SNTB1: variants seen among roughly 807,000 people sequenced by gnomAD.
The protein encoded by SNTB1 is beta-1-syntrophin.
A neutral mutation model predicts 48.9 loss-of-function variants in SNTB1; 36 were observed. The ratio of observed to expected loss-of-function variants is 0.74; its 90% CI spans 0.56 to 0.97. The LOEUF (loss-of-function observed/expected upper bound fraction) is 0.97. Among genes scored for constraint, SNTB1 ranks in the 50% least tolerant of loss-of-function variants. The pLI, the probability that SNTB1 is intolerant of heterozygous loss-of-function variation, is 0.00. For synonymous variants in SNTB1, 299 were observed against 294.6 expected (o/e 1.01, Z -0.15); for missense variants, 786 against 703.4 (o/e 1.12, Z -1.33).
intron 2 of SNTB1, among the ~76,000 whole-genome samples, chr8:120,677,206 A>T (rs1817852027): frequency 1.3e-5 from 2 of 152,228 alleles, no homozygotes; most frequent in Non-Finnish European, 2.9e-5. Flanking sequence ...ACTCTGGCTC[A>T]TGCACCTTGT....
At chr8:120,670,156 T>A (rs1323687044) in intron 2 of SNTB1, among the ~76,000 whole-genome samples, 3 of 152,226 alleles carry the variant, frequency 2.0e-5, no homozygotes, top group Non-Finnish European at 2.9e-5. Context: ...AATATGGGAT[T>A]GTGCTTCAGC....
intron 4 of SNTB1, among the ~76,000 whole-genome samples, chr8:120,574,531 G>A (rs949253054): frequency 5.3e-5 from 8 of 152,132 alleles, no homozygotes; most frequent in Non-Finnish European, 1.0e-4. Flanking sequence ...TCAATACCGT[G>A]ATGAAGTGCT....
intron 1 of SNTB1, among the ~76,000 whole-genome samples, chr8:120,732,683 A>C (rs1331116610): frequency 6.6e-6 from 1 of 152,178 alleles, no homozygotes; most frequent in Non-Finnish European, 1.5e-5. Context: ...CGTCTCTATT[A>C]AACGTACAAA....
chr8:120,758,569 T>C (rs1819358100), intron 1 of SNTB1, among the ~76,000 whole-genome samples: 1 of 152,194 alleles, frequency 6.6e-6, no homozygotes, highest in Admixed American at 6.5e-5. Flanking sequence ...AATATACTGA[T>C]GGCCCATGGA....
chr8:120,727,772 T>C (rs1818785089), intron 1 of SNTB1, among the ~76,000 whole-genome samples: 4 of 152,186 alleles, frequency 2.6e-5, no homozygotes, highest in Admixed American at 2.0e-4. Context: ...TTTCAGTTCA[T>C]TGATTGCTGG....
At chr8:120,553,682 T>C (rs1298811291) in intron 4 of SNTB1, among the ~76,000 whole-genome samples, 1 of 152,232 alleles carries the variant, frequency 6.6e-6, no homozygotes, top group African/African-American at 2.4e-5. Flanking sequence ...ATTTTATTTC[T>C]TCTTTTTAAA....
At chr8:120,753,198 C>T (rs2130040014) in intron 1 of SNTB1, among the ~76,000 whole-genome samples, 1 of 152,180 alleles carries the variant, frequency 6.6e-6, no homozygotes, top group South Asian at 2.1e-4. Context: ...CTGTTTGAAA[C>T]TCATATAATA....
intron 1 of SNTB1, among the ~76,000 whole-genome samples, chr8:120,767,954 G>C (rs1434484360): frequency 6.6e-6 from 1 of 152,108 alleles, no homozygotes; most frequent in East Asian, 1.9e-4. Flanking sequence ...TCCCTCAAAA[G>C]TCCTGCAGGG....
intron 4 of SNTB1, among the ~76,000 whole-genome samples, chr8:120,554,210 C>G (rs1161219046): frequency 6.6e-6 from 1 of 152,038 alleles, no homozygotes; most frequent in Non-Finnish European, 1.5e-5. Flanking sequence ...TGTTCCCGTT[C>G]GGTGACAAGG....
At chr8:120,662,879 A>G (rs1817613172) in intron 2 of SNTB1, among the ~76,000 whole-genome samples, 1 of 152,126 alleles carries the variant, frequency 6.6e-6, no homozygotes, top group Non-Finnish European at 1.5e-5. Context: ...TGAATCATTC[A>G]TTCAAAAATA....
chr8:120,697,828 A>G (rs1196341698), intron 1 of SNTB1, among the ~76,000 whole-genome samples: 1 of 152,274 alleles, frequency 6.6e-6, no homozygotes, highest in Non-Finnish European at 1.5e-5. Flanking sequence ...GTGATTTAAC[A>G]TAGTGATAAA....
chr8:120,746,913 T>C (rs1022421095), intron 1 of SNTB1, among the ~76,000 whole-genome samples: 5 of 152,206 alleles, frequency 3.3e-5, no homozygotes, highest in African/African-American at 9.6e-5. Context: ...TCAGTAAGTA[T>C]TGAACAAGGA....
chr8:120,686,042 A>G (rs1320504226), intron 2 of SNTB1, among the ~76,000 whole-genome samples: 4 of 152,160 alleles, frequency 2.6e-5, no homozygotes, highest in Non-Finnish European at 5.9e-5. Flanking sequence ...TTACCACCAT[A>G]TTTATACCAA....
chr8:120,563,410 C>A (rs1484613026), intron 4 of SNTB1, among the ~76,000 whole-genome samples: 1 of 151,920 alleles, frequency 6.6e-6, no homozygotes, highest in East Asian at 1.9e-4. Flanking sequence ...TGTTTGCAAA[C>A]TTCCTGAGCG....
chr8:120,580,202 G>A (rs886697932), intron 3 of SNTB1, among the ~76,000 whole-genome samples: 13 of 152,028 alleles, frequency 8.6e-5, no homozygotes, highest in African/African-American at 2.7e-4. Flanking sequence ...TCTTTTTCTC[G>A]CTTCATACCA....
chr8:120,615,836 C>A (rs1816705384), intron 3 of SNTB1, among the ~76,000 whole-genome samples: 1 of 152,068 alleles, frequency 6.6e-6, no homozygotes, highest in Non-Finnish European at 1.5e-5. Context: ...TTCCTTTTAT[C>A]TTTTCTTCTT....
intron 1 of SNTB1, among the ~76,000 whole-genome samples, chr8:120,783,828 T>C (rs1212929850): frequency 2.6e-5 from 4 of 152,152 alleles, no homozygotes; most frequent in South Asian, 4.1e-4. Flanking sequence ...AAAAATTTTT[T>C]TACCAATAAA....
intron 2 of SNTB1, among the ~76,000 whole-genome samples, chr8:120,668,025 A>G (rs1333125055): frequency 1.3e-5 from 2 of 151,944 alleles, no homozygotes; most frequent in Admixed American, 6.6e-5. Context: ...TAGTCTCCTC[A>G]TACACATACA....
chr8:120,644,882 G>A (rs1817259430), intron 2 of SNTB1, among the ~76,000 whole-genome samples: 1 of 152,128 alleles, frequency 6.6e-6, no homozygotes, highest in Admixed American at 6.5e-5. Flanking sequence ...GTATCTCACT[G>A]TTGTTTTGAT....
Sources: allele counts gnomAD v4.1 joint callset (sites outside exome capture counted in the v4.1 genomes callset), GRCh38; gene constraint gnomAD v4.1.1; transcripts MANE v1.5; gene names NCBI Gene and HGNC (gene_info 2026-07-23, HGNC 2026-07-21).